The following PVT1 variants were observed in gnomAD, a reference collection of about 807,000 sequenced individuals.
PVT1 encodes the protein Pvt1 oncogene.
intron 4 of PVT1, among the ~76,000 whole-genome samples, chr8:127,999,891 T>A (rs760386349): frequency 6.6e-5 from 10 of 152,232 alleles, no homozygotes; most frequent in Non-Finnish European, 1.3e-4. Flanking sequence ...CTTTTCCCTA[T>A]GGTCAATGTG....
At chr8:127,979,811 T>A (rs988125579) in intron 3 of PVT1, among the ~76,000 whole-genome samples, 4 of 152,236 alleles carry the variant, frequency 2.6e-5, no homozygotes, top group African/African-American at 7.2e-5. Context: ...GATGGTCATC[T>A]GCCAGCACTT....
At chr8:127,834,373 A>G (rs879547851) in intron 2 of PVT1, among the ~76,000 whole-genome samples, 3 of 152,172 alleles carry the variant, frequency 2.0e-5, no homozygotes, top group Admixed American at 6.6e-5. Context: ...CCATATGTAG[A>G]AAACTGAAAC....
At chr8:128,037,117 G>T (rs1183786069) in intron 4 of PVT1, among the ~76,000 whole-genome samples, 1 of 152,184 alleles carries the variant, frequency 6.6e-6, no homozygotes, top group Non-Finnish European at 1.5e-5. Context: ...CCAGGCAGTG[G>T]GAAGAGGCAG....
intron 3 of PVT1, among the ~76,000 whole-genome samples, chr8:127,951,306 A>G (rs1586452097): frequency 6.6e-6 from 1 of 152,124 alleles, no homozygotes; most frequent in Non-Finnish European, 1.5e-5. Context: ...CTGGAGCTCA[A>G]TATTCCTGAG....
At chr8:128,100,601 G>A (rs1394764308) in intron 6 of PVT1, among the ~76,000 whole-genome samples, 1 of 152,164 alleles carries the variant, frequency 6.6e-6, no homozygotes, top group Non-Finnish European at 1.5e-5. Flanking sequence ...GTTTAGATGA[G>A]GAACTTCAGT....
At chr8:127,920,043 T>TG (rs1379081975) in intron 3 of PVT1, among the ~76,000 whole-genome samples, 3 of 152,192 alleles carry the variant, frequency 2.0e-5, no homozygotes, top group Non-Finnish European at 4.4e-5. Context: ...CAGTGGTTCA[T>TG]GTTCTAGCCA....
chr8:127,924,834 G>A (rs1367071111), intron 3 of PVT1, among the ~76,000 whole-genome samples: 5 of 152,070 alleles, frequency 3.3e-5, no homozygotes, highest in Non-Finnish European at 7.4e-5. Context: ...TTTTAGTAGA[G>A]ATGGGGTTTT....
At chr8:127,978,807 T>G (rs911431390) in intron 3 of PVT1, among the ~76,000 whole-genome samples, 10 of 152,128 alleles carry the variant, frequency 6.6e-5, no homozygotes, top group African/African-American at 2.4e-4. Context: ...TAATTTTTTT[T>G]GGAGACAAGG....
intron 3 of PVT1, among the ~76,000 whole-genome samples, chr8:127,933,145 G>A (rs899058634): frequency 6.6e-5 from 10 of 152,106 alleles, no homozygotes; most frequent in Non-Finnish European, 8.8e-5. Context: ...GCACGATCTC[G>A]GCTCACTGCA....
At chr8:128,015,117 T>C (rs1563666215) in intron 4 of PVT1, among the ~76,000 whole-genome samples, 1 of 151,862 alleles carries the variant, frequency 6.6e-6, no homozygotes, top group Non-Finnish European at 1.5e-5. Context: ...TGAGACAGGG[T>C]TTCACTCTGT....
At chr8:127,868,251 G>A (rs1338454521) in intron 2 of PVT1, among the ~76,000 whole-genome samples, 1 of 152,070 alleles carries the variant, frequency 6.6e-6, no homozygotes, top group Non-Finnish European at 1.5e-5. Flanking sequence ...AGGGTCTGTG[G>A]CATTCCCTAC....
At chr8:128,003,058 T>A (rs1156301446) in intron 4 of PVT1, among the ~76,000 whole-genome samples, 1 of 146,020 alleles carries the variant, frequency 6.8e-6, no homozygotes, top group Non-Finnish European at 1.5e-5. Context: ...AGTGCAGTGG[T>A]GCAATCTCGG....
intron 4 of PVT1, among the ~76,000 whole-genome samples, chr8:128,000,523 G>A (rs1817163446): frequency 6.6e-6 from 1 of 152,206 alleles, no homozygotes; most frequent in African/African-American, 2.4e-5. Context: ...TATAAAGGGG[G>A]AAATGGCCAG....
intron 3 of PVT1, among the ~76,000 whole-genome samples, chr8:127,942,612 T>C (rs1468710253): frequency 6.6e-6 from 1 of 152,216 alleles, no homozygotes; most frequent in African/African-American, 2.4e-5. Flanking sequence ...CCATGTACTG[T>C]TGACCAGGAT....
At chr8:127,977,203 G>A (rs564238081) in intron 3 of PVT1, among the ~76,000 whole-genome samples, 1 of 152,138 alleles carries the variant, frequency 6.6e-6, no homozygotes, top group South Asian at 2.1e-4. Context: ...CTTTCTCCAG[G>A]TATCACCCTC....
chr8:127,904,639 C>T (rs1286243206), intron 3 of PVT1, among the ~76,000 whole-genome samples: 1 of 152,168 alleles, frequency 6.6e-6, no homozygotes, highest in East Asian at 1.9e-4. Context: ...GCATCTCACA[C>T]TCATGAAGTG....
intron 4 of PVT1, among the ~76,000 whole-genome samples, chr8:128,039,023 G>A (rs1258356287): frequency 6.6e-6 from 1 of 152,148 alleles, no homozygotes; most frequent in Non-Finnish European, 1.5e-5. Context: ...GAAGGGGAGG[G>A]ACGGATCAGC....
At chr8:127,981,376 G>A (rs544729583) in intron 3 of PVT1, among the ~76,000 whole-genome samples, 8 of 152,254 alleles carry the variant, frequency 5.3e-5, no homozygotes, top group African/African-American at 1.9e-4. Flanking sequence ...ATTTTTTCCT[G>A]GCGCGTTCAC....
At chr8:128,032,904 GCA>G (rs1382981747) in intron 4 of PVT1, among the ~76,000 whole-genome samples, 1 of 152,226 alleles carries the variant, frequency 6.6e-6, no homozygotes, top group Non-Finnish European at 1.5e-5. Flanking sequence ...TCTTTTGCTA[GCA>G]CTCCATTGGC....
Sources: allele counts gnomAD v4.1 joint callset (sites outside exome capture counted in the v4.1 genomes callset), GRCh38; gene constraint gnomAD v4.1.1; transcripts MANE v1.5; gene names NCBI Gene and HGNC (gene_info 2026-07-23, HGNC 2026-07-21).